Variants in HECW1 observed in about 807,000 individuals in gnomAD.
HECW1 encodes E3 ubiquitin-protein ligase HECW1.
A neutral mutation model predicts 182.3 loss-of-function variants in HECW1; 61 were observed. That is an observed-to-expected ratio of 0.33 (90% confidence interval 0.27 to 0.41). The LOEUF is 0.41. Among genes scored for constraint, HECW1 ranks in the 10% least tolerant of loss-of-function variants. The pLI is 1.00. For synonymous variants in HECW1, 859 were observed against 832.6 expected (o/e 1.03, Z -0.55); for missense variants, 1,739 against 2,108.9 (o/e 0.82, Z 3.44).
intron 3 of HECW1, among the ~76,000 whole-genome samples, chr7:43,269,191 C>T (rs7809096): frequency 0.4 from 61,252 of 152,178 alleles, 18,212 homozygotes; most frequent in African/African-American, 0.84. Flanking sequence ...TTCAGTTTGC[C>T]TGCCATTCAT....
At chr7:43,333,589 G>T (rs530579809) in intron 5 of HECW1, among the ~76,000 whole-genome samples, 1 of 152,226 alleles carries the variant, frequency 6.6e-6, no homozygotes, top group Non-Finnish European at 1.5e-5. Flanking sequence ...CCCTTAGAAG[G>T]CTTAATAAGT....
intron 17 of HECW1, among the ~76,000 whole-genome samples, chr7:43,481,750 C>T (rs1380996707): frequency 1.3e-5 from 2 of 151,886 alleles, no homozygotes; most frequent in African/African-American, 2.4e-5. Context: ...TTTAGGAGGT[C>T]GAGGCAGGCA....
chr7:43,334,782 C>A (rs1320856230), intron 5 of HECW1, among the ~76,000 whole-genome samples: 1 of 152,186 alleles, frequency 6.6e-6, no homozygotes, highest in African/African-American at 2.4e-5. Flanking sequence ...GAAATTGTGA[C>A]ATTATGCTTC....
At chr7:43,540,719 A>T (rs539310835) in intron 24 of HECW1, among the ~76,000 whole-genome samples, 1 of 152,244 alleles carries the variant, frequency 6.6e-6, no homozygotes, top group South Asian at 2.1e-4. Flanking sequence ...CAAACCCTCC[A>T]CCTGCCAGCA....
At chr7:43,130,179 TCTC>T (rs971887812) in intron 2 of HECW1, among the ~76,000 whole-genome samples, 36 of 152,330 alleles carry the variant, frequency 2.4e-4, no homozygotes, top group African/African-American at 7.7e-4. Context: ...TGCATTTTCT[TCTC>T]AGAGATTTTT....
chr7:43,426,285 G>A (rs944420485), intron 8 of HECW1, among the ~76,000 whole-genome samples: 8 of 152,122 alleles, frequency 5.3e-5, no homozygotes, highest in African/African-American at 1.9e-4. Flanking sequence ...AATACGGCAA[G>A]ATAAAATATA....
At chr7:43,152,998 T>C (rs1164903307) in intron 2 of HECW1, among the ~76,000 whole-genome samples, 1 of 152,188 alleles carries the variant, frequency 6.6e-6, no homozygotes, top group Non-Finnish European at 1.5e-5. Flanking sequence ...GAATAAACTT[T>C]CTGTTGATTG....
intron 24 of HECW1, among the ~76,000 whole-genome samples, chr7:43,512,958 C>A (rs186310768): frequency 3.9e-4 from 60 of 152,248 alleles, no homozygotes; most frequent in African/African-American, 1.4e-3. Context: ...CCTTCTTCTG[C>A]GTCCCATCCT....
At chr7:43,152,558 G>A (rs1789454079) in intron 2 of HECW1, among the ~76,000 whole-genome samples, 1 of 151,884 alleles carries the variant, frequency 6.6e-6, no homozygotes, top group South Asian at 2.1e-4. Flanking sequence ...CTCTTATAAG[G>A]GTACAATATT....
At chr7:43,358,583 C>A in intron 5 of HECW1, among the ~76,000 whole-genome samples, 1 of 152,018 alleles carries the variant, frequency 6.6e-6, no homozygotes, top group South Asian at 2.1e-4. Flanking sequence ...TAAATGGCTT[C>A]AAAAAAATTT....
intron 2 of HECW1, among the ~76,000 whole-genome samples, chr7:43,159,616 A>ATC (rs1283815556): frequency 1.3e-5 from 2 of 152,032 alleles, no homozygotes; most frequent in Non-Finnish European, 2.9e-5. Flanking sequence ...CTACTAACAC[A>ATC]TACAAAAAAC....
chr7:43,214,552 CCT>C (rs1412411953), intron 2 of HECW1, among the ~76,000 whole-genome samples: 3 of 152,076 alleles, frequency 2.0e-5, no homozygotes, highest in South Asian at 2.1e-4. Flanking sequence ...TTCCCCTGCC[CCT>C]GTTTTGTTTG....
At chr7:43,383,386 T>C (rs2074637921) in intron 6 of HECW1, among the ~76,000 whole-genome samples, 1 of 152,232 alleles carries the variant, frequency 6.6e-6, no homozygotes, top group South Asian at 2.1e-4. Context: ...TGAACTAATT[T>C]ACACTCCCAC....
At chr7:43,509,247 G>A in intron 24 of HECW1, 126 bp downstream of exon 24, 1 of 832,290 alleles carries the variant, frequency 1.2e-6, no homozygotes, top group Admixed American at 2.8e-5. Context: ...GGATGAGAGT[G>A]AATGACAGAG....
intron 6 of HECW1, among the ~76,000 whole-genome samples, chr7:43,382,594 TCATTC>T (rs2074601967): frequency 6.6e-6 from 1 of 152,172 alleles, no homozygotes; most frequent in East Asian, 1.9e-4. Context: ...GCTTAATCCC[TCATTC>T]AAGATGTCTC....
At chr7:43,481,537 A>G (rs904015549) in intron 17 of HECW1, among the ~76,000 whole-genome samples, 2 of 152,264 alleles carry the variant, frequency 1.3e-5, no homozygotes, top group Non-Finnish European at 2.9e-5. Context: ...AACTGAAAGA[A>G]CAAGACTGAA....
In HECW1 at chr7:43,230,159, G is replaced by A. The variant is rs182633102; in HGVS notation, c.-31-13716G>A. 4.6e-5 allele frequency among the ~76,000 whole-genome samples: 7 copies of A among 152,342 alleles called. No homozygotes were observed. In the East Asian group the frequency reaches 5.8e-4, roughly 13 times the overall value. ...TGTAATCCCAGCACTTGGGGAGACCGAGGCGGGAGGATTGCTTGAGGTCAG... is the reference window on the plus strand; with the variant it reads ...TGTAATCCCAGCACTTGGGGAGACCAAGGCGGGAGGATTGCTTGAGGTCAG... On this transcript the variant is annotated intron_variant, in intron 2 of 29. Transcript: ENST00000395891.
At chr7:43,152,647 G>T (rs1055230104) in intron 2 of HECW1, among the ~76,000 whole-genome samples, 6 of 151,952 alleles carry the variant, frequency 3.9e-5, no homozygotes, top group Non-Finnish European at 8.8e-5. Flanking sequence ...TTACCTGCCT[G>T]TTTGTTTTGG....
At chr7:43,248,685 TC>T (rs1420626823) in intron 3 of HECW1, 1 of 134,592 alleles carries the variant, frequency 7.4e-6, no homozygotes, top group African/African-American at 2.9e-5. Context: ...CTCCTCCTCC[TC>T]CTCCTCCTTT....
Sources: allele counts gnomAD v4.1 joint callset (sites outside exome capture counted in the v4.1 genomes callset), GRCh38; gene constraint gnomAD v4.1.1; transcripts MANE v1.5; gene names NCBI Gene and HGNC (gene_info 2026-07-23, HGNC 2026-07-21).